Variants in SUN2 observed in about 807,000 individuals in gnomAD.
SUN2 encodes the protein Sad1 and UNC84 domain containing 2.
In SUN2, 60 loss-of-function variants were observed where a neutral mutation model predicts 100.0. The ratio of observed to expected loss-of-function variants is 0.60; its 90% confidence interval spans 0.49 to 0.74. The LOEUF (loss-of-function observed/expected upper bound fraction) is 0.74, where lower values mean the gene tolerates loss of function less well. SUN2 is among the 30% of genes least tolerant of loss of function. The probability of loss-of-function intolerance (pLI) is 0.00; values close to 1 mark genes in which losing one functional copy is unlikely to be tolerated. For missense variants in SUN2, 834 were observed against 954.6 expected (o/e 0.87, Z 1.66); for synonymous variants, 367 against 403.3 (o/e 0.91, Z 1.08).
At position 38,739,306 on chromosome 22, in the gene SUN2, C is replaced by T. The variant is rs370553876; in HGVS notation, c.1663+36G>A. The stretch of plus-strand genomic sequence containing the variant: ...CCAGGGGACCGGCCATTGCGGGGTC[C>T]AGGACAAGGCAGAGCGAGGAAAGCA... On this transcript the variant is annotated intron_variant, in intron 14 of 17. Transcript: ENST00000689035. The surrounding 1 kb of genome is among the most constrained non-coding windows in gnomAD (Gnocchi z 6.7). 8 of 1,607,946 alleles carry T rather than the reference C, an allele frequency of 5.0e-6. No individual in the cohort carries two copies. The African/African-American group carries it at 1.1e-4, about 21-fold the overall frequency.
At chr22:38,742,691 C>T (rs2145984323) in intron 8 of SUN2, 136 bp from the exon 9 acceptor site, 3 of 1,185,318 alleles carry the variant, frequency 2.5e-6, no homozygotes, top group African/African-American at 1.5e-5. Context: ...CCATGCAGGG[C>T]CGGCTGGAGC....
intron 17 of SUN2, 49 bp from the exon 18 acceptor site, chr22:38,736,429 C>T (rs1292891208): frequency 6.7e-7 from 1 of 1,491,922 alleles, no homozygotes; most frequent in African/African-American, 1.4e-5. Context: ...TGTGAGGCCT[C>T]ACTGACAGAG....
rs1429672970 is a variant in SUN2, at chr22:38,739,549, A to G, written c.1579-123T>C. 2.2e-6 allele frequency: 3 copies of G among 1,340,408 alleles called. No individual in the cohort carries two copies. Among genetic ancestry groups the G allele is most frequent in the Admixed American group, 3.9e-5 (2 of 51,170 alleles). The allele number at this position is 1,340,408 out of a possible 1,614,324, so 83.0% of individuals were successfully genotyped here. A position where few individuals can be genotyped will look rare whatever the true frequency, so the allele number is the denominator to read the frequency against. ...CTAGGCTTGCACTGTGCTGGTGCCC[A>G]GGCAGATGTGGGCACACTGCCACCC... On this transcript the variant is annotated intron_variant, in intron 13 of 17. Coordinates refer to ENST00000689035, the MANE Select transcript of SUN2 (RefSeq NM_015374.3). This position sits in a 1 kb window ranked among gnomAD's most constrained non-coding sequence, Gnocchi z 6.7.
rs559096453 is a variant in SUN2 at position 38,736,380 on chromosome 22, C to T, written c.2041G>A (p.Ala681Thr). Residue 681 changes from alanine (A) to threonine (T), a missense_variant and splice_region_variant, in exon 18 of 18, where the codon GCC (alanine) becomes ACC (threonine). Around this residue, in one of 3 missense-constraint regions of SUN2, gnomAD observed 80 missense variants for 76.7 expected, o/e 1.04. Coordinates refer to ENST00000689035, the MANE Select transcript of SUN2 (RefSeq NM_015374.3). The part of the protein sequence containing the change: ...GEPIQTFHFQ[A>T]PTMATYQVVE... ...ACCTGGTACGTGGCCATCGTAGGGG[C>T]CTGGGTAGAGAAGAAAGGGATTAAG... is the stretch of plus-strand genomic sequence containing the variant. 4 of 1,611,438 alleles carry T rather than the reference C, an allele frequency of 2.5e-6. No individual in the cohort carries two copies. In the Admixed American group the frequency reaches 5.0e-5, roughly 20 times the overall value.
chr22:38,739,744 C>A lies in SUN2; in HGVS notation c.1556G>T (p.Gly519Val), dbSNP rs531098802. 5 of 1,613,682 alleles carry A rather than the reference C, an allele frequency of 3.1e-6. No individual in the cohort carries two copies. Among genetic ancestry groups the A allele is most frequent in the Non-Finnish European group, 4.2e-6 (5 of 1,179,994 alleles). Residue 519 changes from glycine (G) to valine (V), a missense_variant, in exon 13 of 18, where the codon GGT (glycine) becomes GTT (valine). Physicochemically the swap from Gly to Val is moderately radical, Grantham distance 109. Around this residue, in one of 3 missense-constraint regions of SUN2, gnomAD observed 195 missense variants for 280.2 expected, o/e 0.70. Coordinates refer to ENST00000689035, the MANE Select transcript of SUN2 (RefSeq NM_015374.3). This position sits in a 1 kb window ranked among gnomAD's most constrained non-coding sequence, Gnocchi z 6.7. ...ASLSLTLQKEGVIGVTEEQVH... is the reference protein window; with the variant it reads ...ASLSLTLQKEVVIGVTEEQVH... Reference sequence around the variant, plus strand: ...CACCTCCTCTGTCACTCCAATCACACCTTCTTTCTGCAGCGTCAGGCTCAG... The same window carrying A: ...CACCTCCTCTGTCACTCCAATCACAACTTCTTTCTGCAGCGTCAGGCTCAG...
In SUN2 at chr22:38,735,723, G is replaced by A. The variant is rs2092799347; in HGVS notation, c.*544C>T. ...GGCCCTCAGGGACCCTGTGGTTCAT[G>A]CTTCCCTAGGTGGAGGGCACTAACC... is the stretch of plus-strand genomic sequence containing the variant. On this transcript the variant is annotated 3_prime_UTR_variant, in exon 18 of 18. Transcript: ENST00000689035. 6.2e-6 allele frequency: 1 copy of A among 162,066 alleles called. No individual in the cohort carries two copies. 10.0% of individuals were successfully genotyped at this position (162,066 alleles called of 1,614,324 possible).
At position 38,750,499 on chromosome 22, in the gene SUN2, A is replaced by G. The variant is rs558729105; in HGVS notation, c.425-179T>C. ...TCTTTGACATTCTGTTTCTTCTGAC[A>G]GCTTCCTGTTTGCATCCCTCTCCTC... On this transcript the variant is annotated intron_variant, in intron 4 of 17. Coordinates refer to ENST00000689035, the MANE Select transcript of SUN2 (RefSeq NM_015374.3). The G allele has an allele frequency of 2.2e-5, 30 of 1,357,062 alleles. No individual in the cohort carries two copies. In the African/African-American group the frequency reaches 4.2e-4, roughly 19 times the overall value. The allele number at this position is 1,357,062 out of a possible 1,614,324, so 84.1% of individuals were successfully genotyped here. A position where few individuals can be genotyped will look rare whatever the true frequency, so the allele number is the denominator to read the frequency against.
chr22:38,743,408 GA>G, intron 8 of SUN2: 1 of 152,274 alleles, frequency 6.6e-6, no homozygotes, highest in Admixed American at 6.5e-5. Flanking sequence ...CCAGTATGGC[GA>G]AACCCTGTGT....
At chr22:38,752,421 G>A in intron 2 of SUN2, 86 bp downstream of exon 2, 1 of 1,500,556 alleles carries the variant, frequency 6.7e-7, no homozygotes, top group East Asian at 2.3e-5. Context: ...AAGAAGGCAG[G>A]GGGATGGCTG....
chr22:38,745,283 C>T (rs1267754029), intron 8 of SUN2: 2 of 449,314 alleles, frequency 4.5e-6, no homozygotes, highest in Non-Finnish European at 9.2e-6. Context: ...GACAGATCCA[C>T]ACAGGCAAGT....
At chr22:38,741,386 CA>C (rs2092856432) in intron 10 of SUN2, 107 bp downstream of exon 10, 4 of 1,162,390 alleles carry the variant, frequency 3.4e-6, no homozygotes, top group Non-Finnish European at 5.0e-6. Flanking sequence ...CTCCCCTCCC[CA>C]TGCAACACCC....
At chr22:38,753,217 T>TC (rs1344246596) in intron 1 of SUN2, among the ~76,000 whole-genome samples, 1 of 141,952 alleles carries the variant, frequency 7.0e-6, no homozygotes, top group Non-Finnish European at 1.5e-5. Flanking sequence ...GTTCTTTTTT[T>TC]TTTTTTTTTT....
At position 38,737,902 on chromosome 22, in the gene SUN2, C is replaced by T; in HGVS notation, c.2040+271G>A. On this transcript the variant is annotated intron_variant, in intron 17 of 17. Transcript: ENST00000689035. This position sits in a 1 kb window ranked among gnomAD's most constrained non-coding sequence, Gnocchi z 4.1. ...GCCTCTCCCGGCCTTCCTTTCCTGG[C>T]CACCCAACCCCTCTTGTGTAAAGCC... The T allele has an allele frequency of 1.5e-6, 1 of 649,026 alleles. No homozygotes were observed. Among genetic ancestry groups the T allele is most frequent in the Non-Finnish European group, 2.9e-6 (1 of 341,944 alleles). The allele number at this position is 649,026 out of a possible 1,614,324, so 40.2% of individuals were successfully genotyped here. A position where few individuals can be genotyped will look rare whatever the true frequency, so the allele number is the denominator to read the frequency against.
Position 38,742,382 on chromosome 22 carries a change from C to CA in SUN2, c.986dup (p.Ala330GlyfsTer11). On this transcript the variant is annotated frameshift_variant, in exon 9 of 18. Coordinates refer to ENST00000689035, the MANE Select transcript of SUN2 (RefSeq NM_015374.3). LOFTEE classifies it high-confidence loss of function. ...GGCTCACTAGCCCCTCCAGCAGCGC[C>CA]AGGGTGTCCTCGTGGCTCAGGCCAC... 6.2e-7 allele frequency: 1 copy of CA among 1,613,378 alleles called. No individual in the cohort carries two copies. Among genetic ancestry groups the CA allele is most frequent in the Non-Finnish European group, 8.5e-7 (1 of 1,179,968 alleles).
In SUN2 at chr22:38,735,160, C is replaced by G. The variant is rs539153256; in HGVS notation, c.*1107G>C. ...CTGGCTCTAAAAGTCCCCTCCTCCC[C>G]CTTCCCTATCCAGGGTAACTTCTGC... On this transcript the variant is annotated 3_prime_UTR_variant, in exon 18 of 18. Transcript: ENST00000689035. The G allele has an allele frequency of 2.3e-5, 10 of 438,572 alleles. No homozygotes were observed. In the Admixed American group the frequency reaches 2.4e-4, roughly 10 times the overall value. The allele number at this position is 438,572 out of a possible 1,614,324, so 27.2% of individuals were successfully genotyped here.
chr22:38,748,685 T>C, intron 7 of SUN2, 28 bp downstream of exon 7: 2 of 1,613,806 alleles, frequency 1.2e-6, no homozygotes, highest in Middle Eastern at 1.7e-4. Context: ...TCTCTGTGCC[T>C]CCCTCTGCTC....
At chr22:38,752,031 A>G (rs1356525508) in intron 2 of SUN2, among the ~76,000 whole-genome samples, 1 of 152,168 alleles carries the variant, frequency 6.6e-6, no homozygotes, top group Non-Finnish European at 1.5e-5. Flanking sequence ...GCTGGAGTGC[A>G]ATGCCATGAT....
intron 1 of SUN2, chr22:38,754,717 G>C: frequency 1.6e-6 from 2 of 1,288,876 alleles, no homozygotes; most frequent in Non-Finnish European, 2.0e-6. Context: ...CTTTGCCCAG[G>C]GCAGAAACAA....
At chr22:38,736,473 C>CG in intron 17 of SUN2, 93 bp from the exon 18 acceptor site, 3 of 1,002,226 alleles carry the variant, frequency 3.0e-6, no homozygotes, top group East Asian at 2.7e-5. Flanking sequence ...CGCCTAGGGC[C>CG]AGATGGCTCC....
Sources: gnomAD v4.1 joint callset for allele counts (sites outside exome capture counted in the v4.1 genomes callset) on GRCh38, gnomAD v4.1.1 for gene constraint, gnomAD v4.1.1 regional missense constraint, Gnocchi (gnomAD v3.1) non-coding constraint, MANE v1.5 for transcripts, NCBI Gene and HGNC (gene_info 2026-07-23, HGNC 2026-07-21) for gene names.